The following DENND1B variants were observed in gnomAD, a reference collection of about 807,000 sequenced individuals.
DENND1B encodes DENN domain containing 1B.
In DENND1B, 59 loss-of-function variants were observed where a neutral mutation model predicts 90.1. The observed-to-expected ratio is 0.65, with a 90% confidence interval of 0.53 to 0.81. The LOEUF is 0.81. DENND1B is among the 40% of genes least tolerant of loss of function. DENND1B has a pLI of 0.00. For synonymous variants in DENND1B, 337 were observed against 324.6 expected, an observed-to-expected ratio of 1.04 and a Z score of -0.41; for missense variants, 862 against 912.6, an observed-to-expected ratio of 0.94 and a Z score of 0.71.
chr1:197,536,536 G>A (rs1423914153), intron 20 of DENND1B, among the ~76,000 whole-genome samples: 3 of 152,082 alleles, frequency 2.0e-5, no homozygotes, highest in African/African-American at 4.8e-5. Context: ...AGATAGCATG[G>A]ACTCTGGAAG....
In DENND1B at chr1:197,647,049, A is replaced by G. The variant is rs963751468; in HGVS notation, c.507+6T>C. ...ATTTTTAGAAGCCAATGTCCTTTTA[A>G]CTCACCGGTACTAGAGCAGGCTGAT... On this transcript the variant is annotated splice_donor_region_variant and intron_variant, in intron 8 of 22. Transcript: ENST00000620048. 4 of 1,465,142 alleles carry G rather than the reference A, an allele frequency of 2.7e-6. No individual in the cohort carries two copies. In the African/African-American group the frequency reaches 6.0e-5, roughly 22 times the overall value. The allele number at this position is 1,465,142 out of a possible 1,614,324, so 90.8% of individuals were successfully genotyped here. A position where few individuals can be genotyped will look rare whatever the true frequency, so the allele number is the denominator to read the frequency against.
chr1:197,619,130 T>A (rs1395186581), intron 10 of DENND1B, among the ~76,000 whole-genome samples: 1 of 151,292 alleles, frequency 6.6e-6, no homozygotes, highest in Non-Finnish European at 1.5e-5. Context: ...AGGATTTTAC[T>A]ACCTTGTACT....
At chr1:197,591,350 T>C (rs1462655337) in intron 14 of DENND1B, among the ~76,000 whole-genome samples, 1 of 152,162 alleles carries the variant, frequency 6.6e-6, no homozygotes, top group East Asian at 1.9e-4. Context: ...TCAACATATA[T>C]CTGATAAACA....
chr1:197,680,765 TG>T lies in DENND1B; in HGVS notation c.127-6597del, dbSNP rs1280079519. On this transcript the variant is annotated intron_variant, in intron 3 of 22. Transcript: ENST00000620048. The stretch of plus-strand genomic sequence containing the variant: ...CAGCATATCAAAGTAGCCAAGTGTA[TG>T]ACGTACTTAACTCATTCAAATTCTG... 2.0e-5 allele frequency among the ~76,000 whole-genome samples: 3 copies of T among 152,282 alleles called. No homozygotes were observed. The East Asian group carries it at 5.8e-4, about 29-fold the overall frequency.
intron 2 of DENND1B, among the ~76,000 whole-genome samples, chr1:197,738,681 C>G (rs560897669): frequency 3.9e-5 from 6 of 152,170 alleles, no homozygotes; most frequent in Non-Finnish European, 8.8e-5. Context: ...GTTAAAGCAG[C>G]ACTTTTACAT....
intron 2 of DENND1B, among the ~76,000 whole-genome samples, chr1:197,740,440 G>A (rs1663112194): frequency 6.6e-6 from 1 of 152,088 alleles, no homozygotes; most frequent in Admixed American, 6.6e-5. Context: ...GGAATTATGA[G>A]CAAGAGATCC....
At chr1:197,720,916 T>G (rs558070923) in intron 2 of DENND1B, among the ~76,000 whole-genome samples, 62 of 152,274 alleles carry the variant, frequency 4.1e-4, no homozygotes, top group African/African-American at 1.4e-3. Flanking sequence ...TACAAATTAT[T>G]TTGAAGTTAA....
chr1:197,665,409 G>C (rs2125971139), intron 5 of DENND1B, among the ~76,000 whole-genome samples: 1 of 152,252 alleles, frequency 6.6e-6, no homozygotes, highest in East Asian at 1.9e-4. Context: ...TTCTAGCTTA[G>C]AACTCTAAGG....
chr1:197,611,718 TA>T (rs1455419190), intron 12 of DENND1B, among the ~76,000 whole-genome samples: 1 of 150,820 alleles, frequency 6.6e-6, no homozygotes, highest in Admixed American at 6.6e-5. Context: ...AACCTATTTT[TA>T]TGGATTTCAT....
chr1:197,534,564 T>C (rs1464629352), intron 20 of DENND1B, among the ~76,000 whole-genome samples: 1 of 152,208 alleles, frequency 6.6e-6, no homozygotes, highest in Non-Finnish European at 1.5e-5. Context: ...ATCATGTAGC[T>C]GTGCTTTTCT....
chr1:197,600,460 T>C (rs183582978), intron 13 of DENND1B, among the ~76,000 whole-genome samples: 15 of 151,872 alleles, frequency 9.9e-5, no homozygotes, highest in South Asian at 4.1e-4. Context: ...TACCCCTCTG[T>C]GGATTCTCCT....
At chr1:197,781,459 A>C in the DENND1B span, among the ~76,000 whole-genome samples, 1 of 152,176 alleles carries the variant, frequency 6.6e-6, no homozygotes, top group South Asian at 2.1e-4. Context: ...ACTATCTTTA[A>C]ATTATTTTAT....
chr1:197,745,711 TAATAC>T (rs1329551846), intron 2 of DENND1B, among the ~76,000 whole-genome samples: 2 of 150,438 alleles, frequency 1.3e-5, no homozygotes, highest in East Asian at 3.9e-4. Context: ...ACTGTCTGCT[TAATAC>T]AATTACACCA....
chr1:197,560,491 TTAAA>T (rs1464763193), intron 15 of DENND1B, among the ~76,000 whole-genome samples: 1 of 151,878 alleles, frequency 6.6e-6, no homozygotes, highest in Non-Finnish European at 1.5e-5. Flanking sequence ...ACTTTCTATT[TTAAA>T]TAGTGTGGTC....
At chr1:197,716,748 C>T (rs1490029069) in intron 2 of DENND1B, among the ~76,000 whole-genome samples, 1 of 151,846 alleles carries the variant, frequency 6.6e-6, no homozygotes, top group Non-Finnish European at 1.5e-5. Flanking sequence ...TACAGGGTTT[C>T]AATGTGAATA....
chr1:197,735,455 G>A (rs540202356), intron 2 of DENND1B: 102 of 1,510,726 alleles, frequency 6.8e-5, no homozygotes, highest in African/African-American at 9.7e-5. Flanking sequence ...ATGGGTTCTC[G>A]GGTACATTTC....
chr1:197,514,853 T>C (rs1184263099), intron 20 of DENND1B, among the ~76,000 whole-genome samples: 1 of 151,702 alleles, frequency 6.6e-6, no homozygotes, highest in Non-Finnish European at 1.5e-5. Context: ...CATTTCAACT[T>C]AGAATTTTTC....
intron 2 of DENND1B, among the ~76,000 whole-genome samples, chr1:197,739,974 A>T (rs1469061459): frequency 6.6e-6 from 1 of 152,202 alleles, no homozygotes; most frequent in African/African-American, 2.4e-5. Context: ...TACCCTATGA[A>T]AATTTTGCAC....
intron 3 of DENND1B, among the ~76,000 whole-genome samples, chr1:197,686,885 T>C (rs544457280): frequency 6.6e-6 from 1 of 152,274 alleles, no homozygotes; most frequent in East Asian, 1.9e-4. Context: ...AAGCTTGGGC[T>C]CTCCAGCCAG....
Sources: gnomAD v4.1 joint callset for allele counts (sites outside exome capture counted in the v4.1 genomes callset) on GRCh38, gnomAD v4.1.1 for gene constraint, MANE v1.5 for transcripts, NCBI Gene and HGNC (gene_info 2026-07-23, HGNC 2026-07-21) for gene names.